Variants in BMPR1B observed in about 807,000 individuals in gnomAD.
BMPR1B encodes the protein bone morphogenetic protein receptor type-1B.
In BMPR1B, 12 loss-of-function variants were observed where a neutral mutation model predicts 59.1. The observed-to-expected ratio is 0.20, with a 90% confidence interval of 0.13 to 0.33. The LOEUF (loss-of-function observed/expected upper bound fraction) is 0.33, where lower values mean the gene tolerates loss of function less well. Among genes scored for constraint, BMPR1B ranks in the 10% least tolerant of loss-of-function variants. The pLI is 1.00. For synonymous variants in BMPR1B, 237 were observed against 207.3 expected (o/e 1.14, Z -1.23); for missense variants, 550 against 610.9 (o/e 0.90, Z 1.05).
chr4:94,866,363 G>A (rs1726242236), intron 1 of BMPR1B, among the ~76,000 whole-genome samples: 3 of 152,010 alleles, frequency 2.0e-5, no homozygotes. Flanking sequence ...CACAGTGTAA[G>A]GATCTTCCCC....
chr4:94,867,506 TC>T (rs1726294497), intron 1 of BMPR1B, among the ~76,000 whole-genome samples: 1 of 152,204 alleles, frequency 6.6e-6, no homozygotes, highest in Non-Finnish European at 1.5e-5. Flanking sequence ...TCCTCTTTAT[TC>T]CTCCTACATC....
chr4:95,028,390 A>G (rs1207630340), intron 3 of BMPR1B, among the ~76,000 whole-genome samples: 1 of 152,108 alleles, frequency 6.6e-6, no homozygotes, highest in African/African-American at 2.4e-5. Context: ...TATTGTGGTG[A>G]TGGCCTGCTG....
chr4:94,813,154 C>A (rs930172142), intron 1 of BMPR1B, among the ~76,000 whole-genome samples: 4 of 151,452 alleles, frequency 2.6e-5, no homozygotes, highest in African/African-American at 9.7e-5. Flanking sequence ...CCACTGGCCA[C>A]ATGGAGTTTA....
At chr4:94,798,810 C>A (rs2110617772) in intron 1 of BMPR1B, among the ~76,000 whole-genome samples, 1 of 152,020 alleles carries the variant, frequency 6.6e-6, no homozygotes, top group African/African-American at 2.4e-5. Context: ...ATCCTGAAGG[C>A]TTCTTTTCTC....
chr4:94,882,215 A>G (rs1391423452), intron 2 of BMPR1B, among the ~76,000 whole-genome samples: 5 of 151,996 alleles, frequency 3.3e-5, no homozygotes, highest in African/African-American at 1.2e-4. Flanking sequence ...TTCCCCTTCC[A>G]TAGAGGAATA....
chr4:95,038,631 G>C (rs971197253), intron 3 of BMPR1B, among the ~76,000 whole-genome samples: 4 of 152,104 alleles, frequency 2.6e-5, no homozygotes, highest in Non-Finnish European at 4.4e-5. Context: ...GTCAATTTCT[G>C]ATTATACACA....
Position 94,910,729 on chromosome 4 carries a change from G to A in BMPR1B, c.-113+34829G>A, listed in dbSNP as rs530786688. Among the ~76,000 whole-genome samples, 6 of 150,728 alleles carry A rather than the reference G, an allele frequency of 4.0e-5. No homozygotes were observed. In the South Asian group the frequency reaches 8.3e-4, roughly 21 times the overall value. Reference sequence around the variant, plus strand: ...TTGAGACCAGCCTAGGCAACATAGCGAGACCCCCATCTCTAAAAAAATAAA... The same window carrying A: ...TTGAGACCAGCCTAGGCAACATAGCAAGACCCCCATCTCTAAAAAAATAAA... On this transcript the variant is annotated intron_variant, in intron 2 of 12. Coordinates refer to ENST00000515059, the MANE Select transcript of BMPR1B (RefSeq NM_001203.3).
intron 2 of BMPR1B, among the ~76,000 whole-genome samples, chr4:94,945,044 A>G (rs758203624): frequency 2.0e-5 from 3 of 152,236 alleles, no homozygotes; most frequent in Non-Finnish European, 4.4e-5. Context: ...TAACAGATCT[A>G]GTAATGACAT....
intron 2 of BMPR1B, among the ~76,000 whole-genome samples, chr4:94,955,393 G>A (rs188903224): frequency 8.4e-4 from 128 of 152,308 alleles, no homozygotes; most frequent in Admixed American, 1.7e-3. Flanking sequence ...CAGACTAGCA[G>A]CAGTAGGAGT....
At chr4:95,038,545 A>G (rs1255528463) in intron 3 of BMPR1B, among the ~76,000 whole-genome samples, 1 of 152,200 alleles carries the variant, frequency 6.6e-6, no homozygotes, top group Non-Finnish European at 1.5e-5. Context: ...TCCTCTATTG[A>G]AAAGGCAGAG....
chr4:94,862,445 C>T lies in BMPR1B; in HGVS notation c.-182-13386C>T, dbSNP rs1190772905. Among the ~76,000 whole-genome samples, 2 of 151,530 alleles carry T rather than the reference C, an allele frequency of 1.3e-5. 1 individual carries two copies. The highest frequency in any genetic ancestry group is 2.9e-5 in the Non-Finnish European group (2 of 67,852). ...GGATTACAGGCATGAGCCACTGCAC[C>T]CAGCCCCAAATTTAAGTATAAATTT... On this transcript the variant is annotated intron_variant, in intron 1 of 12. Coordinates refer to ENST00000515059, the MANE Select transcript of BMPR1B (RefSeq NM_001203.3).
chr4:95,015,383 C>G (rs1469224152), intron 3 of BMPR1B, among the ~76,000 whole-genome samples: 2 of 152,116 alleles, frequency 1.3e-5, no homozygotes, highest in Non-Finnish European at 2.9e-5. Context: ...TGTTGCAGAA[C>G]TAGTTCCTTT....
chr4:94,975,363 GTTTTTTTT>G, intron 2 of BMPR1B, among the ~76,000 whole-genome samples: 1 of 111,646 alleles, frequency 9.0e-6, no homozygotes, highest in East Asian at 3.2e-4. Flanking sequence ...TTTTGTTTTT[GTTTTTTTT>G]TTTTTTTTTT....
chr4:94,865,804 A>G (rs1014193504), intron 1 of BMPR1B, among the ~76,000 whole-genome samples: 2 of 152,254 alleles, frequency 1.3e-5, no homozygotes, highest in African/African-American at 2.4e-5. Flanking sequence ...GGAAAGAACA[A>G]CAACATGCAT....
At chr4:94,956,683 G>C (rs538054463) in intron 2 of BMPR1B, among the ~76,000 whole-genome samples, 1 of 152,230 alleles carries the variant, frequency 6.6e-6, no homozygotes, top group South Asian at 2.1e-4. Flanking sequence ...GATTTAGTGT[G>C]CTCTTATCAT....
At chr4:95,132,566 G>A (rs1454196651) in intron 10 of BMPR1B, among the ~76,000 whole-genome samples, 3 of 151,650 alleles carry the variant, frequency 2.0e-5, no homozygotes, top group African/African-American at 7.3e-5. Context: ...ATTTAAGTTA[G>A]AAATATGAAC....
intron 2 of BMPR1B, among the ~76,000 whole-genome samples, chr4:94,972,670 T>A (rs1218009036): frequency 6.6e-6 from 1 of 152,142 alleles, no homozygotes; most frequent in Non-Finnish European, 1.5e-5. Context: ...TCAGTGAACA[T>A]GACAGTGGAA....
At chr4:94,922,069 T>C (rs535458058) in intron 2 of BMPR1B, among the ~76,000 whole-genome samples, 17 of 152,106 alleles carry the variant, frequency 1.1e-4, no homozygotes, top group Non-Finnish European at 2.4e-4. Flanking sequence ...ACCTTCTGGG[T>C]TCAATCTATC....
intron 6 of BMPR1B, among the ~76,000 whole-genome samples, chr4:95,118,980 A>G (rs1164125128): frequency 6.6e-6 from 1 of 152,190 alleles, no homozygotes; most frequent in Non-Finnish European, 1.5e-5. Context: ...CATAAATCAG[A>G]AATATAATAA....
Sources: allele counts gnomAD v4.1 joint callset (sites outside exome capture counted in the v4.1 genomes callset), GRCh38; gene constraint gnomAD v4.1.1; transcripts MANE v1.5; gene names NCBI Gene and HGNC (gene_info 2026-07-23, HGNC 2026-07-21).